Variants in ALPK1 observed in about 807,000 individuals in gnomAD.
ALPK1 encodes alpha kinase 1.
A neutral mutation model predicts 120.6 loss-of-function variants in ALPK1; 110 were observed. That is an observed-to-expected ratio of 0.91 (90% CI 0.78 to 1.07). The LOEUF (loss-of-function observed/expected upper bound fraction) is 1.07. Ranked by LOEUF, ALPK1 falls within the 50% of genes least tolerant of loss-of-function variation. ALPK1 has a pLI of 0.00. For missense variants in ALPK1, 1,498 were observed against 1,483.9 expected, an observed-to-expected ratio of 1.01 and a Z score of -0.16; for synonymous variants, 582 against 560.3, an observed-to-expected ratio of 1.04 and a Z score of -0.55.
chr4:112,375,140 T>A (rs1731593198), intron 2 of ALPK1, among the ~76,000 whole-genome samples: 1 of 151,984 alleles, frequency 6.6e-6, no homozygotes, highest in Non-Finnish European at 1.5e-5. Flanking sequence ...CCACTGAAAA[T>A]CTGTTGTTTA....
At chr4:112,429,839 C>CAAAAAA (rs756983786) in intron 10 of ALPK1, among the ~76,000 whole-genome samples, 6 of 40,038 alleles carry the variant, frequency 1.5e-4, no homozygotes, top group Admixed American at 2.9e-4. Context: ...GACCCTACCT[C>CAAAAAA]AAAAAAAAAA....
At chr4:112,385,723 T>C (rs2051777) in intron 4 of ALPK1, among the ~76,000 whole-genome samples, 61,534 of 152,054 alleles carry the variant, frequency 0.4, 12,887 homozygotes, top group East Asian at 0.72. Context: ...TGTTTCATTG[T>C]ATCCCAATCT....
intron 2 of ALPK1, among the ~76,000 whole-genome samples, chr4:112,355,830 C>T (rs1336272325): frequency 6.6e-6 from 1 of 152,246 alleles, no homozygotes; most frequent in Admixed American, 6.5e-5. Context: ...CCGCGCTCAA[C>T]CGCAACTGCG....
rs1473424430 is a variant in ALPK1, at chr4:112,431,009, G to A, written c.1462G>A (p.Val488Ile). Residue 488 changes from valine to isoleucine, a missense_variant, in exon 11 of 16, where the codon GTC (valine) becomes ATC (isoleucine). By Grantham distance (29) the Val-to-Ile change is conservative. Transcript: ENST00000650871. ...KNEQKDAKTGVCITALKTEIK... is the reference protein window; with the variant it reads ...KNEQKDAKTGICITALKTEIK... ...TGAACAGAAAGATGCAAAAACAGGAGTCTGCATCACTGCTCTAAAAACAGA... is the reference window on the plus strand; with the variant it reads ...TGAACAGAAAGATGCAAAAACAGGAATCTGCATCACTGCTCTAAAAACAGA... 6.2e-7 allele frequency: 1 copy of A among 1,613,382 alleles called. No individual in the cohort carries two copies. Among genetic ancestry groups the A allele is most frequent in the Non-Finnish European group, 8.5e-7 (1 of 1,179,692 alleles).
chr4:112,368,075 G>A (rs539343044), intron 2 of ALPK1, among the ~76,000 whole-genome samples: 21 of 151,838 alleles, frequency 1.4e-4, no homozygotes, highest in Non-Finnish European at 2.6e-4. Context: ...GCACCACCAC[G>A]CCTGGCTAAT....
At chr4:112,402,628 G>C (rs188593933) in intron 4 of ALPK1, among the ~76,000 whole-genome samples, 24 of 152,144 alleles carry the variant, frequency 1.6e-4, no homozygotes, top group African/African-American at 5.8e-4. Flanking sequence ...GTGTCTATGC[G>C]TGTGTCTGTG....
chr4:112,314,926 G>A lies in ALPK1; in HGVS notation c.-152-875G>A, dbSNP rs1376839681. ...GAGACAGTCTCACTCTGTTGCCCAG[G>A]CTGGAGTGCAGTGGCCTGATCTCGG... is the stretch of plus-strand genomic sequence containing the variant. On this transcript the variant is annotated intron_variant, in intron 1 of 15. Transcript: ENST00000650871. Among the ~76,000 whole-genome samples, 7 of 145,974 alleles carry A rather than the reference G, an allele frequency of 4.8e-5. No homozygotes were observed. The East Asian group carries it at 1.4e-3, about 30-fold the overall frequency.
In ALPK1 at chr4:112,427,611, T is replaced by C; in HGVS notation, c.741T>C (p.Val247=). The change falls in exon 9 of 16, where the codon GTT becomes GTC. Residue 247 remains valine (V), a synonymous_variant. Transcript: ENST00000650871. ...TSLGILADIF[V]SMSKNDYEKF... Reference sequence around the variant, plus strand: ...TAGGTATACTGGCAGACATCTTTGTTTCCATGAGCAAGAACGATTATGAAA... The same window carrying C: ...TAGGTATACTGGCAGACATCTTTGTCTCCATGAGCAAGAACGATTATGAAA... The C allele has an allele frequency of 6.2e-7, 1 of 1,614,126 alleles. No homozygotes were observed. Among genetic ancestry groups the C allele is most frequent in the Non-Finnish European group, 8.5e-7 (1 of 1,179,992 alleles).
intron 1 of ALPK1, among the ~76,000 whole-genome samples, 193 bp downstream of exon 1, chr4:112,297,662 G>A (rs993661041): frequency 1.1e-4 from 17 of 151,866 alleles, no homozygotes; most frequent in African/African-American, 3.9e-4. Context: ...GGGGTGAAGG[G>A]GGTGGAGTGG....
chr4:112,381,900 G>A (rs187174354), intron 3 of ALPK1, among the ~76,000 whole-genome samples: 4 of 152,294 alleles, frequency 2.6e-5, no homozygotes, highest in Non-Finnish European at 5.9e-5. Flanking sequence ...TCTGATATGT[G>A]TTTTTCGTAG....
rs772239630 is a variant in ALPK1, at chr4:112,411,855, G to A, written c.305G>A (p.Arg102Gln). ...LASLRASILARDCAAAAAIVF... is the reference protein window; with the variant it reads ...LASLRASILAQDCAAAAAIVF... ...TCCCTGAGGGCCTCCATCCTCGCTC[G>A]GGACTGTGCGGCTGCGGCGGCTATT... The change falls in exon 5 of 16, where the codon CGG becomes CAG. Residue 102 changes from arginine (R) to glutamine (Q), a missense_variant. By Grantham distance (43) the Arg-to-Gln change is conservative. Transcript: ENST00000650871. 3 of 1,613,302 alleles carry A rather than the reference G, an allele frequency of 1.9e-6. No homozygotes were observed. Among genetic ancestry groups the A allele is most frequent in the Admixed American group, 1.7e-5 (1 of 59,938 alleles).
chr4:112,424,281 A>C (rs1560681846), intron 6 of ALPK1, among the ~76,000 whole-genome samples: 1 of 152,168 alleles, frequency 6.6e-6, no homozygotes, highest in Non-Finnish European at 1.5e-5. Context: ...AATCACTGTC[A>C]AGGCAGATAA....
chr4:112,379,839 G>A (rs1028977361), intron 3 of ALPK1, among the ~76,000 whole-genome samples: 1 of 152,200 alleles, frequency 6.6e-6, no homozygotes, highest in African/African-American at 2.4e-5. Context: ...ACATAGTTAA[G>A]AGGCATATTT....
rs1057305667 is a variant in ALPK1 at position 112,375,654 on chromosome 4, C to A, written c.-100-2024C>A. Among the ~76,000 whole-genome samples the A allele has an allele frequency of 2.0e-5, 3 of 152,114 alleles. No homozygotes were observed. In the South Asian group the frequency reaches 6.2e-4, roughly 31 times the overall value. ...GTTGTGGCTGGTTTAATTCTCTATC[C>A]ATTAAAATTTTCTCCATATCAGCAA... On this transcript the variant is annotated intron_variant, in intron 2 of 15. Coordinates refer to ENST00000650871, the MANE Select transcript of ALPK1 (RefSeq NM_025144.4).
chr4:112,438,578 T>C lies in ALPK1; in HGVS notation c.3283T>C (p.Phe1095Leu), dbSNP rs1734888784. ...QMTAQHYVTE[F>L]NKRLYEQNIP... is the part of the protein sequence containing the mutation. The stretch of plus-strand genomic sequence containing the variant: ...GACCGCACAGCACTATGTGACAGAA[T>C]TTAACAAGAGACTCTATGAACAAAA... Residue 1095 changes from phenylalanine (F) to leucine (L), a missense_variant, in exon 13 of 16, where the codon TTT becomes CTT. Transcript: ENST00000650871. 6.2e-7 allele frequency: 1 copy of C among 1,613,916 alleles called. No individual in the cohort carries two copies. The highest frequency in any genetic ancestry group is 8.5e-7 in the Non-Finnish European group (1 of 1,179,822).
chr4:112,358,459 G>A (rs1730751757), intron 2 of ALPK1: 1 of 659,962 alleles, frequency 1.5e-6, no homozygotes, highest in Admixed American at 2.3e-5. Flanking sequence ...GGAAAGCTAA[G>A]AGTCTCGACC....
At chr4:112,424,772 TGCACACAC>T (rs1734161971) in intron 6 of ALPK1, among the ~76,000 whole-genome samples, 1 of 152,096 alleles carries the variant, frequency 6.6e-6, no homozygotes, top group Non-Finnish European at 1.5e-5. Context: ...CATGTGTGTG[TGCACACAC>T]ACACGCACGC....
intron 10 of ALPK1, 116 bp downstream of exon 10, chr4:112,429,369 T>C: frequency 1.2e-6 from 1 of 800,230 alleles, no homozygotes; most frequent in African/African-American, 1.7e-5. Flanking sequence ...GTCTCATCAG[T>C]GGCAATTGTG....
chr4:112,435,890 A>C (rs989069039), intron 12 of ALPK1, among the ~76,000 whole-genome samples: 1 of 152,228 alleles, frequency 6.6e-6, no homozygotes, highest in Non-Finnish European at 1.5e-5. Context: ...CCCCACGATA[A>C]AGGGTATCTT....
Sources: allele counts gnomAD v4.1 joint callset (sites outside exome capture counted in the v4.1 genomes callset), GRCh38; gene constraint gnomAD v4.1.1; transcripts MANE v1.5; gene names NCBI Gene and HGNC (gene_info 2026-07-23, HGNC 2026-07-21).